The following PCDHA2 variants were observed in gnomAD, a reference collection of about 807,000 sequenced individuals.
PCDHA2 encodes the protein protocadherin alpha 2.
PCDHA2 carries 58 observed loss-of-function variants against 66.0 expected under a neutral mutation model. The observed-to-expected ratio is 0.88, with a 90% CI of 0.71 to 1.09. The LOEUF (loss-of-function observed/expected upper bound fraction) is 1.09, where lower values mean the gene tolerates loss of function less well. Among genes scored for constraint, PCDHA2 ranks in the 50% least tolerant of loss-of-function variants. The pLI, the probability that PCDHA2 is intolerant of heterozygous loss-of-function variation, is 0.00. For synonymous variants in PCDHA2, 634 were observed against 554.0 expected, an observed-to-expected ratio of 1.14 and a Z score of -2.03; for missense variants, 1,267 against 1,242.3, an observed-to-expected ratio of 1.02 and a Z score of -0.30.
At chr5:140,984,905 C>G (rs1214020745) in intron 3 of PCDHA2, among the ~76,000 whole-genome samples, 1 of 152,004 alleles carries the variant, frequency 6.6e-6, no homozygotes, top group African/African-American at 2.4e-5. Context: ...AAAAAAAGAA[C>G]TGAGCATAGT....
intron 1 of PCDHA2, chr5:140,824,729 AGATTAC>A (rs1554130046): frequency 6.7e-6 from 1 of 149,846 alleles, no homozygotes; most frequent in African/African-American, 2.5e-5. Context: ...CGAAGTACTA[AGATTAC>A]AGGATTGAGC....
At chr5:140,807,597 A>T (rs144914662) in intron 1 of PCDHA2, 76 of 1,614,090 alleles carry the variant, frequency 4.7e-5, no homozygotes, top group Non-Finnish European at 5.8e-5. Context: ...CCAGCAACAC[A>T]AAAGAACCTG....
chr5:140,946,765 T>C (rs1255265012), intron 1 of PCDHA2, among the ~76,000 whole-genome samples: 2 of 151,428 alleles, frequency 1.3e-5, no homozygotes, highest in African/African-American at 4.9e-5. Flanking sequence ...ATCTCATTCA[T>C]GTGGAATGTA....
chr5:140,955,073 C>T (rs2095133365), intron 1 of PCDHA2, among the ~76,000 whole-genome samples: 1 of 152,146 alleles, frequency 6.6e-6, no homozygotes, highest in South Asian at 2.1e-4. Context: ...TGTTGAAGAT[C>T]AGATGGTTGT....
Position 140,796,930 on chromosome 5 carries a change from G to A in PCDHA2, c.1966G>A (p.Glu656Lys), listed in dbSNP as rs1321854589. 1 of 1,613,736 alleles carries A rather than the reference G, an allele frequency of 6.2e-7. No individual in the cohort carries two copies. Among genetic ancestry groups the A allele is most frequent in the Non-Finnish European group, 8.5e-7 (1 of 1,179,998 alleles). Residue 656 changes from glutamate (E) to lysine (K), a missense_variant, in exon 1 of 4, where the codon GAA becomes AAA. Coordinates refer to ENST00000526136, the MANE Select transcript of PCDHA2 (RefSeq NM_018905.3). ...RLLVLVKDHG[E>K]PALTATATVL... ...ACTCGTGCTGGTGAAGGACCACGGC[G>A]AACCAGCGTTGACAGCCACGGCCAC...
rs183413454 is a variant in PCDHA2 at position 140,846,304 on chromosome 5, C to A, written c.2388+48952C>A. Among the ~76,000 whole-genome samples, 113 of 148,752 alleles carry A rather than the reference C, an allele frequency of 7.6e-4. 8 individuals are homozygous for A. Among genetic ancestry groups the A allele is most frequent in the African/African-American group, 2.6e-3 (105 of 40,780 alleles). On this transcript the variant is annotated intron_variant, in intron 1 of 3. Transcript: ENST00000526136. Reference sequence around the variant, plus strand: ...GTTGTAGTTCTATGAATTAAGTAAACCATTTATGTAGAGTGTTGTAAATAG... The same window carrying A: ...GTTGTAGTTCTATGAATTAAGTAAAACATTTATGTAGAGTGTTGTAAATAG...
chr5:140,834,406 A>G, intron 1 of PCDHA2: 1 of 1,610,156 alleles, frequency 6.2e-7, no homozygotes, highest in Non-Finnish European at 8.5e-7. Context: ...AATGGATACG[A>G]CCCAGGGGGC....
chr5:140,992,226 G>A lies in PCDHA2; in HGVS notation c.2536+9663G>A, dbSNP rs926605843. On this transcript the variant is annotated intron_variant, in intron 3 of 3. Coordinates refer to ENST00000526136, the MANE Select transcript of PCDHA2 (RefSeq NM_018905.3). The stretch of plus-strand genomic sequence containing the variant: ...CAGATAAACTACTCTCCCTTCCTGG[G>A]AAGAGTAAGGAAGGAAGTAGAGCTA... Among the ~76,000 whole-genome samples the A allele has an allele frequency of 5.3e-5, 8 of 152,256 alleles. No individual in the cohort carries two copies. The East Asian group carries it at 1.5e-3, about 29-fold the overall frequency.
chr5:140,822,825 C>T, intron 1 of PCDHA2: 1 of 1,614,132 alleles, frequency 6.2e-7, no homozygotes, highest in Non-Finnish European at 8.5e-7. Flanking sequence ...CAGAGATGGC[C>T]ATAACCACCC....
At chr5:140,978,491 C>T (rs550205477) in intron 1 of PCDHA2, among the ~76,000 whole-genome samples, 2 of 152,354 alleles carry the variant, frequency 1.3e-5, no homozygotes, top group African/African-American at 4.8e-5. Flanking sequence ...GCAAAGCCAG[C>T]AGCAGATTGC....
At chr5:140,809,113 T>C (rs1764368152) in intron 1 of PCDHA2, 1 of 1,613,928 alleles carries the variant, frequency 6.2e-7, no homozygotes, top group Non-Finnish European at 8.5e-7. Context: ...AAACGGACGC[T>C]CCGCGCCACC....
intron 1 of PCDHA2, chr5:140,862,484 G>A (rs2047390468): frequency 2.6e-6 from 1 of 382,510 alleles, no homozygotes; most frequent in Non-Finnish European, 5.2e-6. Context: ...TCCATTGTTG[G>A]TAATCGCTCG....
At chr5:140,973,858 C>G (rs1277402007) in intron 1 of PCDHA2, among the ~76,000 whole-genome samples, 1 of 152,156 alleles carries the variant, frequency 6.6e-6, no homozygotes, top group Non-Finnish European at 1.5e-5. Flanking sequence ...AATTTTTGCT[C>G]TCAATGAGAG....
intron 1 of PCDHA2, chr5:140,822,280 T>G: frequency 1.9e-6 from 3 of 1,614,246 alleles, no homozygotes; most frequent in Non-Finnish European, 2.5e-6. Context: ...ACAATTGAGA[T>G]ACAGGTTAAA....
chr5:140,995,654 A>C (rs1183016354), intron 3 of PCDHA2, among the ~76,000 whole-genome samples: 2 of 152,184 alleles, frequency 1.3e-5, no homozygotes, highest in Non-Finnish European at 1.5e-5. Flanking sequence ...AGGAGAATCG[A>C]AAAGGGAAGT....
intron 1 of PCDHA2, among the ~76,000 whole-genome samples, chr5:140,910,613 C>T (rs1470911168): frequency 1.3e-5 from 2 of 152,192 alleles, no homozygotes; most frequent in Admixed American, 1.3e-4. Context: ...ACTGACTAAT[C>T]CACTCCACCA....
intron 1 of PCDHA2, among the ~76,000 whole-genome samples, chr5:140,892,059 G>A (rs1165045634): frequency 6.6e-6 from 1 of 152,108 alleles, no homozygotes; most frequent in African/African-American, 2.4e-5. Context: ...CAAATTTATT[G>A]TTACTTTGTA....
intron 1 of PCDHA2, chr5:140,884,087 CT>C (rs782425411): frequency 6.2e-7 from 1 of 1,613,564 alleles, no homozygotes; most frequent in South Asian, 1.1e-5. Context: ...CAATGCGTGG[CT>C]TTCGTATGAA....
chr5:140,966,906 C>A, intron 1 of PCDHA2: 1 of 1,600,938 alleles, frequency 6.2e-7, no homozygotes, highest in African/African-American at 1.3e-5. Flanking sequence ...CTGCGATACT[C>A]TGTGCCAGAG....
Sources: allele counts gnomAD v4.1 joint callset (sites outside exome capture counted in the v4.1 genomes callset), GRCh38; gene constraint gnomAD v4.1.1; transcripts MANE v1.5; gene names NCBI Gene and HGNC (gene_info 2026-07-23, HGNC 2026-07-21).